NWD2: variants seen among roughly 807,000 people sequenced by gnomAD.
The protein encoded by NWD2 is NACHT and WD repeat domain containing 2.
In NWD2, 37 loss-of-function variants were observed where a neutral mutation model predicts 132.7. That is an observed-to-expected ratio of 0.28 (90% confidence interval 0.21 to 0.37). The LOEUF (loss-of-function observed/expected upper bound fraction) is 0.37. Ranked by LOEUF, NWD2 falls within the 10% of genes least tolerant of loss-of-function variation. The pLI is 1.00. For synonymous variants in NWD2, 705 were observed against 803.0 expected (o/e 0.88, Z 2.06); for missense variants, 1,592 against 2,122.4 (o/e 0.75, Z 4.91).
In NWD2 at chr4:37,445,864, A is replaced by T; in HGVS notation, c.3876A>T (p.Leu1292Phe). 6.4e-7 allele frequency: 1 copy of T among 1,552,034 alleles called. No homozygotes were observed. Among genetic ancestry groups the T allele is most frequent in the Non-Finnish European group, 8.7e-7 (1 of 1,147,058 alleles). The change falls in exon 7 of 7, where the codon TTA (leucine) becomes TTT (phenylalanine). Residue 1292 changes from leucine (L) to phenylalanine (F), a missense_variant. Around this residue, in one of 7 missense-constraint regions of NWD2, gnomAD observed 1,071 missense variants for 1,398.0 expected, o/e 0.77. Transcript: ENST00000309447. This position sits in a 1 kb window ranked among gnomAD's most constrained non-coding sequence, Gnocchi z 4.7. ...GTCACCACAATATGCTACTGTCTTTATCAACCAGTGGTGTTCTTTCCATTT... is the reference window on the plus strand; with the variant it reads ...GTCACCACAATATGCTACTGTCTTTTTCAACCAGTGGTGTTCTTTCCATTT... ...KSSHHNMLLS[L>F]STSGVLSIWD...
chr4:37,367,915 G>A (rs1294905035), intron 3 of NWD2, among the ~76,000 whole-genome samples: 2 of 152,064 alleles, frequency 1.3e-5, no homozygotes, highest in African/African-American at 4.8e-5. Context: ...CTTCCTACCA[G>A]CAGACCCTAA....
At chr4:37,406,849 T>A (rs928382922) in intron 3 of NWD2, among the ~76,000 whole-genome samples, 3 of 152,102 alleles carry the variant, frequency 2.0e-5, no homozygotes, top group Non-Finnish European at 4.4e-5. Flanking sequence ...TGAGCCAGGA[T>A]CATGCCATTG....
intron 3 of NWD2, among the ~76,000 whole-genome samples, chr4:37,402,594 T>C (rs1720915035): frequency 6.6e-6 from 1 of 152,210 alleles, no homozygotes; most frequent in African/African-American, 2.4e-5. Context: ...TCTAGAATTT[T>C]TATCTATTGG....
At chr4:37,317,243 AAG>A (rs2109283874) in intron 1 of NWD2, among the ~76,000 whole-genome samples, 2 of 152,288 alleles carry the variant, frequency 1.3e-5, no homozygotes, top group East Asian at 3.9e-4. Context: ...AACAGCTTCA[AAG>A]TCAGCCAGGA....
chr4:37,318,722 A>G (rs1312063514), intron 1 of NWD2, among the ~76,000 whole-genome samples: 4 of 132,330 alleles, frequency 3.0e-5, no homozygotes, highest in Admixed American at 6.9e-5. Flanking sequence ...TTATAATAAT[A>G]TTATAATATT....
chr4:37,257,604 A>G (rs1487351393), intron 1 of NWD2, among the ~76,000 whole-genome samples: 5 of 152,222 alleles, frequency 3.3e-5, no homozygotes, highest in Admixed American at 3.3e-4. Flanking sequence ...ATAGAGTTAT[A>G]ACAGTTTTAT....
intron 4 of NWD2, among the ~76,000 whole-genome samples, chr4:37,433,213 T>C (rs1226987482): frequency 6.6e-6 from 1 of 152,182 alleles, no homozygotes; most frequent in African/African-American, 2.4e-5. Context: ...CAGGAGTAAA[T>C]ATAGATAGCA....
intron 3 of NWD2, among the ~76,000 whole-genome samples, chr4:37,375,767 C>T (rs1720335109): frequency 6.6e-6 from 1 of 152,084 alleles, no homozygotes; most frequent in Non-Finnish European, 1.5e-5. Flanking sequence ...CGGGGTTTCA[C>T]CGTGTTAGCC....
chr4:37,266,823 A>T (rs1253118010), intron 1 of NWD2, among the ~76,000 whole-genome samples: 2 of 151,888 alleles, frequency 1.3e-5, no homozygotes, highest in African/African-American at 4.8e-5. Context: ...TACCCCTCCC[A>T]CTCAGCACCT....
rs1380855302 is a variant in NWD2 at position 37,312,726 on chromosome 4, T to C, written c.152-13210T>C. Reference sequence around the variant, plus strand: ...TTGTGCCAGTTTTCAAAGGGAATGCTTCCAGTTTTTGCCCATTCAGTATGA... The same window carrying C: ...TTGTGCCAGTTTTCAAAGGGAATGCCTCCAGTTTTTGCCCATTCAGTATGA... On this transcript the variant is annotated intron_variant, in intron 1 of 6. Coordinates refer to ENST00000309447, the MANE Select transcript of NWD2 (RefSeq NM_001144990.2). Among the ~76,000 whole-genome samples the C allele has an allele frequency of 2.6e-5, 4 of 151,228 alleles. 1 individual carries two copies. Among genetic ancestry groups the C allele is most frequent in the African/African-American group, 9.9e-5 (4 of 40,506 alleles).
At chr4:37,438,693 C>T in intron 5 of NWD2, 108 bp from the exon 6 acceptor site, 1 of 762,212 alleles carries the variant, frequency 1.3e-6, no homozygotes, top group South Asian at 2.4e-5. Flanking sequence ...TCGCTACAAA[C>T]CATAAGCAAA....
intron 1 of NWD2, among the ~76,000 whole-genome samples, chr4:37,302,241 C>G: frequency 6.6e-6 from 1 of 151,910 alleles, no homozygotes; most frequent in Non-Finnish European, 1.5e-5. Context: ...CCTATCTCAC[C>G]TATTATAATG....
At chr4:37,282,947 G>A (rs948513709) in intron 1 of NWD2, among the ~76,000 whole-genome samples, 9 of 152,132 alleles carry the variant, frequency 5.9e-5, no homozygotes, top group Middle Eastern at 3.4e-3. Context: ...CAGATTATTG[G>A]GAAAGTACAA....
chr4:37,265,818 A>T (rs1314874608), intron 1 of NWD2, among the ~76,000 whole-genome samples: 1 of 152,098 alleles, frequency 6.6e-6, no homozygotes, highest in Non-Finnish European at 1.5e-5. Context: ...TCCTTAGCTT[A>T]ATCACATCTG....
rs961772487 is a variant in NWD2 at position 37,405,555 on chromosome 4, T to C, written c.358-25017T>C. On this transcript the variant is annotated intron_variant, in intron 3 of 6. Transcript: ENST00000309447. ...TTATTTGGTGAAAGAAATTACTGAA[T>C]CCACTCCCAGAATTTCTGATTCTAT... Among the ~76,000 whole-genome samples the C allele has an allele frequency of 2.6e-5, 4 of 152,330 alleles. No homozygotes were observed. The South Asian group carries it at 8.3e-4, about 32-fold the overall frequency.
chr4:37,334,005 T>C (rs1325421143), intron 2 of NWD2, among the ~76,000 whole-genome samples: 1 of 151,982 alleles, frequency 6.6e-6, no homozygotes, highest in Non-Finnish European at 1.5e-5. Context: ...AGACAGGCTA[T>C]TTGAAAATAC....
At chr4:37,265,904 C>CCATTATTTAGCTTACCA (rs767674117) in intron 1 of NWD2, among the ~76,000 whole-genome samples, 1 of 151,924 alleles carries the variant, frequency 6.6e-6, no homozygotes, top group Non-Finnish European at 1.5e-5. Flanking sequence ...TTTCAGGGGG[C>CCATTATTTAGCTTACCA]CATTATTTAG....
intron 1 of NWD2, among the ~76,000 whole-genome samples, chr4:37,311,528 A>T (rs906932301): frequency 8.7e-5 from 13 of 149,830 alleles, no homozygotes; most frequent in Non-Finnish European, 1.5e-4. Flanking sequence ...TAGATTCTGG[A>T]TATTAGCCCT....
At chr4:37,348,663 TATATATATATATAC>T (rs1719694209) in intron 2 of NWD2, among the ~76,000 whole-genome samples, 1 of 74,322 alleles carries the variant, frequency 1.3e-5, no homozygotes, top group Non-Finnish European at 2.7e-5. Context: ...TATATATATA[TATATATATATATAC>T]ACACACACAC....
Sources: gnomAD v4.1 joint callset for allele counts (sites outside exome capture counted in the v4.1 genomes callset) on GRCh38, gnomAD v4.1.1 for gene constraint, gnomAD v4.1.1 regional missense constraint, Gnocchi (gnomAD v3.1) non-coding constraint, MANE v1.5 for transcripts, NCBI Gene and HGNC (gene_info 2026-07-23, HGNC 2026-07-21) for gene names.